The following USP43 variants were observed in gnomAD, a reference collection of about 807,000 sequenced individuals.
The protein encoded by USP43 is ubiquitin carboxyl-terminal hydrolase 43.
USP43 carries 33 observed loss-of-function variants against 90.7 expected under a neutral mutation model. The ratio of observed to expected loss-of-function variants is 0.36; its 90% CI spans 0.28 to 0.49. The LOEUF is 0.49. Ranked by LOEUF, USP43 falls within the 20% of genes least tolerant of loss-of-function variation. The probability of loss-of-function intolerance (pLI) is 0.98; values close to 1 mark genes in which losing one functional copy is unlikely to be tolerated. For synonymous variants in USP43, 598 were observed against 615.8 expected, an observed-to-expected ratio of 0.97 and a Z score of 0.43; for missense variants, 1,274 against 1,476.4, an observed-to-expected ratio of 0.86 and a Z score of 2.25.
chr17:9,719,816 C>T (rs566922052), intron 14 of USP43, among the ~76,000 whole-genome samples: 25 of 152,182 alleles, frequency 1.6e-4, no homozygotes, highest in Non-Finnish European at 2.6e-4. Flanking sequence ...CCTGTAATCC[C>T]AGCACTTTGG....
At chr17:9,697,306 T>C (rs556598061) in intron 9 of USP43, among the ~76,000 whole-genome samples, 2 of 152,248 alleles carry the variant, frequency 1.3e-5, no homozygotes, top group East Asian at 3.9e-4. Flanking sequence ...TCTATAACTT[T>C]CTTGGGTGAA....
chr17:9,647,887 G>A (rs1048989044), intron 1 of USP43, among the ~76,000 whole-genome samples: 28 of 151,918 alleles, frequency 1.8e-4, no homozygotes, highest in Non-Finnish European at 3.1e-4. Flanking sequence ...CGGACGTGGT[G>A]GCGGGCGCCT....
chr17:9,665,297 T>G (rs1912960296), intron 2 of USP43, among the ~76,000 whole-genome samples: 1 of 152,144 alleles, frequency 6.6e-6, no homozygotes, highest in South Asian at 2.1e-4. Context: ...GTTTTCACAC[T>G]GCTATAAAGG....
chr17:9,684,677 T>G (rs370126834), intron 7 of USP43, among the ~76,000 whole-genome samples: 21 of 148,900 alleles, frequency 1.4e-4, no homozygotes, highest in East Asian at 1.4e-3. Flanking sequence ...GCAGGAGAAT[T>G]GCTTGAACCC....
intron 13 of USP43, among the ~76,000 whole-genome samples, chr17:9,711,256 C>T (rs1367147241): frequency 6.6e-6 from 1 of 152,120 alleles, no homozygotes; most frequent in Non-Finnish European, 1.5e-5. Context: ...GGCCCTGGTA[C>T]TGGTAATAAA....
intron 12 of USP43, among the ~76,000 whole-genome samples, chr17:9,703,959 T>C (rs1202897829): frequency 6.6e-6 from 1 of 152,028 alleles, no homozygotes; most frequent in Non-Finnish European, 1.5e-5. Flanking sequence ...ACCTTTGGAG[T>C]GCTTACGTGT....
intron 6 of USP43, among the ~76,000 whole-genome samples, chr17:9,681,464 A>C (rs11652067): frequency 1.3e-3 from 17 of 12,918 alleles, no homozygotes; most frequent in South Asian, 9.3e-3. Flanking sequence ...AAAATATATT[A>C]TATATATATA....
At chr17:9,724,426 T>C (rs1327429516) in intron 14 of USP43, among the ~76,000 whole-genome samples, 1 of 152,142 alleles carries the variant, frequency 6.6e-6, no homozygotes, top group Non-Finnish European at 1.5e-5. Flanking sequence ...ACGCCTGTAA[T>C]CCCAGCACTT....
chr17:9,682,635 C>T (rs1051051814), intron 6 of USP43, among the ~76,000 whole-genome samples, 188 bp from the exon 7 acceptor site: 4 of 152,124 alleles, frequency 2.6e-5, no homozygotes, highest in Admixed American at 6.6e-5. Flanking sequence ...TCTTGATGTT[C>T]GTATGCCAGG....
intron 13 of USP43, 117 bp downstream of exon 13, chr17:9,710,231 G>A: frequency 8.6e-7 from 1 of 1,165,834 alleles, no homozygotes; most frequent in Non-Finnish European, 1.1e-6. Flanking sequence ...GAAAGAGGAA[G>A]CCCGGGATGC....
rs556577323 is a variant in USP43 at position 9,725,655 on chromosome 17, G to A, written c.2336-2299G>A. ...TGCCATCTCGAGAAAGAGGAGACAC[G>A]AGTTCCGTGGGCATCTGTGGTTCCC... is the stretch of plus-strand genomic sequence containing the variant. On this transcript the variant is annotated intron_variant, in intron 14 of 14. Transcript: ENST00000285199. Among the ~76,000 whole-genome samples the A allele has an allele frequency of 5.3e-5, 8 of 152,308 alleles. 1 individual carries two copies. The highest frequency in any genetic ancestry group is 8.8e-5 in the Non-Finnish European group (6 of 68,022).
At chr17:9,651,185 T>G (rs1240679345) in intron 1 of USP43, among the ~76,000 whole-genome samples, 1 of 149,604 alleles carries the variant, frequency 6.7e-6, no homozygotes, top group Non-Finnish European at 1.5e-5. Context: ...TTTTTTTTGT[T>G]TGTTTTTTTT....
At chr17:9,662,654 T>A (rs1912727436) in intron 2 of USP43, among the ~76,000 whole-genome samples, 1 of 152,128 alleles carries the variant, frequency 6.6e-6, no homozygotes, top group South Asian at 2.1e-4. Context: ...AAACTTATGC[T>A]TCTTCATCTG....
intron 2 of USP43, among the ~76,000 whole-genome samples, chr17:9,665,971 C>A (rs7216960): frequency 0.019 from 2,847 of 152,078 alleles, 74 homozygotes; most frequent in African/African-American, 0.056. Context: ...ATTTCAGTGC[C>A]GTGATACTGA....
Position 9,724,282 on chromosome 17 carries a change from C to A in USP43, c.2336-3672C>A, listed in dbSNP as rs376503676. Among the ~76,000 whole-genome samples, 4 of 152,078 alleles carry A rather than the reference C, an allele frequency of 2.6e-5. 1 individual carries two copies. In the East Asian group the frequency reaches 5.8e-4, roughly 22 times the overall value. On this transcript the variant is annotated intron_variant, in intron 14 of 14. Transcript: ENST00000285199. ...TCGGTGTAGCTTTTTCTTACCTTAA[C>A]GGGGACCAGAGGAAAGTTGGGGGGT... is the stretch of plus-strand genomic sequence containing the variant.
intron 14 of USP43, among the ~76,000 whole-genome samples, chr17:9,723,490 T>C (rs1296870274): frequency 1.3e-5 from 2 of 148,464 alleles, no homozygotes; most frequent in African/African-American, 4.9e-5. Flanking sequence ...TTGTAGTTTC[T>C]TGCTCTTCTC....
chr17:9,691,439 T>C (rs2151982080), intron 8 of USP43, among the ~76,000 whole-genome samples: 2 of 152,202 alleles, frequency 1.3e-5, no homozygotes, highest in South Asian at 4.2e-4. Context: ...TAAGGCTAAA[T>C]AATATTCTGT....
At position 9,661,777 on chromosome 17, in the gene USP43, C is replaced by T. The variant is rs536173516; in HGVS notation, c.637-4871C>T. Among the ~76,000 whole-genome samples the T allele has an allele frequency of 2.1e-3, 324 of 152,178 alleles. 2 individuals carry two copies. Among genetic ancestry groups the T allele is most frequent in the Non-Finnish European group, 3.3e-3 (222 of 68,032 alleles). The stretch of plus-strand genomic sequence containing the variant: ...AGCCAGCGTGAATGACCCCCTGCTG[C>T]CCCTCACTCCAGCCTCTTTCAGGGT... On this transcript the variant is annotated intron_variant, in intron 2 of 14. Coordinates refer to ENST00000285199, the MANE Select transcript of USP43 (RefSeq NM_153210.5).
At chr17:9,650,932 C>T (rs531835892) in intron 1 of USP43, among the ~76,000 whole-genome samples, 118 of 152,072 alleles carry the variant, frequency 7.8e-4, no homozygotes, top group African/African-American at 2.5e-3. Flanking sequence ...TTGGTGCACC[C>T]GAGCAATGGA....
Sources: allele counts gnomAD v4.1 joint callset (sites outside exome capture counted in the v4.1 genomes callset), GRCh38; gene constraint gnomAD v4.1.1; transcripts MANE v1.5; gene names NCBI Gene and HGNC (gene_info 2026-07-23, HGNC 2026-07-21).